MDN1: variants seen among roughly 807,000 people sequenced by gnomAD.
The protein encoded by MDN1 is midasin.
In MDN1, 266 loss-of-function variants were observed where a neutral mutation model predicts 669.2. The ratio of observed to expected loss-of-function variants is 0.40; its 90% CI spans 0.36 to 0.44. The LOEUF is 0.44. MDN1 is among the 20% of genes least tolerant of loss of function. The pLI, the probability that MDN1 is intolerant of heterozygous loss-of-function variation, is 1.00. For synonymous variants in MDN1, 2,385 were observed against 2,457.1 expected (o/e 0.97, Z 0.87); for missense variants, 5,940 against 6,754.0 (o/e 0.88, Z 4.22).
intron 15 of MDN1, among the ~76,000 whole-genome samples, chr6:89,762,762 TG>T (rs1365762817): frequency 1.3e-5 from 2 of 152,180 alleles, no homozygotes; most frequent in Non-Finnish European, 2.9e-5. Context: ...AACAGTGTTA[TG>T]AAAAAAACTA....
At chr6:89,776,745 T>C (rs1330299915) in intron 11 of MDN1, 50 bp from the exon 12 acceptor site, 1 of 1,263,164 alleles carries the variant, frequency 7.9e-7, no homozygotes, top group Non-Finnish European at 1.1e-6. Flanking sequence ...AATAATATAT[T>C]AATCACAGAA....
intron 32 of MDN1, 82 bp downstream of exon 32, chr6:89,740,152 C>A: frequency 6.9e-7 from 1 of 1,443,514 alleles, no homozygotes; most frequent in Non-Finnish European, 9.3e-7. Context: ...AATTCCAAAT[C>A]CATTATTACA....
In MDN1 at chr6:89,804,128, T is replaced by C. The variant is rs893478302; in HGVS notation, c.103-574A>G. On this transcript the variant is annotated intron_variant, in intron 1 of 101. Coordinates refer to ENST00000369393, the MANE Select transcript of MDN1 (RefSeq NM_014611.3). ...TTTCACCATGTTGGCTAGGCTGGTCTCGAACTCCTGGCCAGAGGTGATCCA... is the reference window on the plus strand; with the variant it reads ...TTTCACCATGTTGGCTAGGCTGGTCCCGAACTCCTGGCCAGAGGTGATCCA... Among the ~76,000 whole-genome samples the C allele has an allele frequency of 2.6e-5, 4 of 151,676 alleles. No individual in the cohort carries two copies. The East Asian group carries it at 7.8e-4, about 29-fold the overall frequency.
chr6:89,757,256 C>A (rs748128088), intron 19 of MDN1, among the ~76,000 whole-genome samples: 1 of 152,156 alleles, frequency 6.6e-6, no homozygotes, highest in Non-Finnish European at 1.5e-5. Flanking sequence ...GTACCTTGTT[C>A]ATGTCAGTGC....
rs1324197220 is a variant in MDN1, at chr6:89,718,548, A to G, written c.6401T>C (p.Leu2134Pro). 3 of 1,614,160 alleles carry G rather than the reference A, an allele frequency of 1.9e-6. No homozygotes were observed. The highest frequency in any genetic ancestry group is 2.5e-6 in the Non-Finnish European group (3 of 1,180,018). The change falls in exon 43 of 102, where the codon CTT becomes CCT. Residue 2134 changes from leucine (L) to proline (P), a missense_variant. Transcript: ENST00000369393. Reference protein sequence around the residue: ...TVRALLRDSLLISADDAEVVL... With the variant: ...TVRALLRDSLPISADDAEVVL... ...TACTTCTGCATCATCAGCACTGATA[A>G]GGAGGCTATCCCTTAACAGTGCCCT...
At chr6:89,788,028 C>A in intron 7 of MDN1, 71 bp from the exon 8 acceptor site, 2 of 1,315,412 alleles carry the variant, frequency 1.5e-6, no homozygotes, top group East Asian at 2.4e-5. Flanking sequence ...AACAAAACAA[C>A]CCTCTCTCAA....
rs745599093 is a variant in MDN1, at chr6:89,718,402, G to A, written c.6547C>T (p.Arg2183Ter). 6 of 1,613,964 alleles carry A rather than the reference G, an allele frequency of 3.7e-6. No homozygotes were observed. The highest frequency in any genetic ancestry group is 1.1e-5 in the South Asian group (1 of 91,088). ...KLEAVLLLMQ[R>*]LNNKINSYCK... is the part of the protein sequence containing the mutation. ...TATGAGTTGATTTTATTGTTGAGTC[G>A]CTGCATAAGCAATAACACTGCTTCT... Residue 2183 changes from arginine to a stop codon, truncating the protein, a stop_gained, in exon 43 of 102, where the codon CGA (arginine) becomes TGA (stop). Coordinates refer to ENST00000369393, the MANE Select transcript of MDN1 (RefSeq NM_014611.3). LOFTEE classifies it high-confidence loss of function.
At chr6:89,673,544 A>G (rs1242740205) in intron 79 of MDN1, 82 bp from the exon 80 acceptor site, 1 of 1,226,780 alleles carries the variant, frequency 8.2e-7, no homozygotes, top group East Asian at 2.5e-5. Flanking sequence ...CCACTACAAG[A>G]TATGCAAGGT....
chr6:89,819,432 C>T (rs1364441038), intron 1 of MDN1, 74 bp downstream of exon 1: 3 of 1,352,894 alleles, frequency 2.2e-6, no homozygotes, highest in Non-Finnish European at 3.1e-6. Context: ...CGAGTATCGG[C>T]GGGGGAGCGC....
intron 45 of MDN1, among the ~76,000 whole-genome samples, 171 bp downstream of exon 45, chr6:89,715,482 G>A (rs968901574): frequency 2.6e-5 from 4 of 152,174 alleles, no homozygotes; most frequent in Non-Finnish European, 5.9e-5. Flanking sequence ...GCCCAGCAAT[G>A]CCTGGCAAAT....
chr6:89,724,344 G>A (rs896841828), intron 38 of MDN1, among the ~76,000 whole-genome samples: 4 of 151,806 alleles, frequency 2.6e-5, no homozygotes, highest in East Asian at 1.9e-4. Context: ...GTACAATGGC[G>A]CGATCTCAGC....
At chr6:89,700,528 A>G in intron 56 of MDN1, 118 bp downstream of exon 56, 1 of 967,420 alleles carries the variant, frequency 1.0e-6, no homozygotes, top group African/African-American at 1.7e-5. Flanking sequence ...ATAAAGGTAT[A>G]TAAACTCTAC....
At position 89,749,659 on chromosome 6, in the gene MDN1, G is replaced by A. The variant is rs1314951845; in HGVS notation, c.3499C>T (p.Leu1167=). 1 of 1,613,906 alleles carries A rather than the reference G, an allele frequency of 6.2e-7. No homozygotes were observed. The highest frequency in any genetic ancestry group is 1.3e-5 in the African/African-American group (1 of 74,880). Residue 1167 remains leucine (L), a synonymous_variant, in exon 25 of 102, where the codon CTG becomes TTG. Coordinates refer to ENST00000369393, the MANE Select transcript of MDN1 (RefSeq NM_014611.3). ...PTDVLEALNR[L]LDDNRELLVT... Reference sequence around the variant, plus strand: ...AGCAATTCACGGTTATCATCCAACAGCCTATTCAGCGCCTCTAACACATCA... The same window carrying A: ...AGCAATTCACGGTTATCATCCAACAACCTATTCAGCGCCTCTAACACATCA...
In MDN1 at chr6:89,694,154, G is replaced by A; in HGVS notation, c.9801C>T (p.Thr3267=). 1 of 1,614,124 alleles carries A rather than the reference G, an allele frequency of 6.2e-7. No individual in the cohort carries two copies. Among genetic ancestry groups the A allele is most frequent in the Non-Finnish European group, 8.5e-7 (1 of 1,180,012 alleles). ...TCTGCAGCTGGGATGACAGGTTCCG[G>A]GTCTTCCATTCACACTGCAGTTGGT... ...ELHQLQCEWK[T]RNLSSQLQTG... is the part of the protein sequence containing the mutation. The change falls in exon 62 of 102, where the codon ACC becomes ACT. Residue 3267 remains threonine (T), a synonymous_variant. Transcript: ENST00000369393.
At chr6:89,766,298 CAA>C (rs531200887) in intron 15 of MDN1, among the ~76,000 whole-genome samples, 3 of 122,818 alleles carry the variant, frequency 2.4e-5, no homozygotes, top group Non-Finnish European at 3.4e-5. Flanking sequence ...GACTCCATCT[CAA>C]AAAAAAAAAA....
At chr6:89,653,286 T>C in intron 93 of MDN1, 131 bp from the exon 94 acceptor site, 1 of 907,544 alleles carries the variant, frequency 1.1e-6, no homozygotes, top group Non-Finnish European at 1.6e-6. Flanking sequence ...TTTCCACATG[T>C]TGATTTCAGA....
chr6:89,761,777 A>C, intron 16 of MDN1, 29 bp from the exon 17 acceptor site: 1 of 1,468,670 alleles, frequency 6.8e-7, no homozygotes, highest in South Asian at 1.2e-5. Context: ...AATTCAGCAC[A>C]CATTTTGAAT....
chr6:89,711,534 C>T lies in MDN1; in HGVS notation c.7651+502G>A, dbSNP rs190299915. Reference sequence around the variant, plus strand: ...TTTATATAAGGGGCCTTAGCGTCCACGTATGTTGATGTCCCTGGGTGGGGG... The same window carrying T: ...TTTATATAAGGGGCCTTAGCGTCCATGTATGTTGATGTCCCTGGGTGGGGG... On this transcript the variant is annotated intron_variant, in intron 49 of 101. Coordinates refer to ENST00000369393, the MANE Select transcript of MDN1 (RefSeq NM_014611.3). Among the ~76,000 whole-genome samples, 317 of 152,024 alleles carry T rather than the reference C, an allele frequency of 2.1e-3. 2 individuals are homozygous for T. The highest frequency in any genetic ancestry group is 0.019 in the Admixed American group (287 of 15,270).
At chr6:89,655,100 G>A (rs1198093888) in intron 92 of MDN1, among the ~76,000 whole-genome samples, 1 of 152,062 alleles carries the variant, frequency 6.6e-6, no homozygotes, top group Non-Finnish European at 1.5e-5. Flanking sequence ...GGTAGCTACT[G>A]CTCTATTTTT....
Sources: allele counts gnomAD v4.1 joint callset (sites outside exome capture counted in the v4.1 genomes callset), GRCh38; gene constraint gnomAD v4.1.1; transcripts MANE v1.5; gene names NCBI Gene and HGNC (gene_info 2026-07-23, HGNC 2026-07-21).